SGCZ: variants seen among roughly 807,000 people sequenced by gnomAD.
SGCZ encodes sarcoglycan zeta, also known as zeta-sarcoglycan.
SGCZ carries 40 observed loss-of-function variants against 41.3 expected under a neutral mutation model. The observed-to-expected ratio is 0.97, with a 90% CI of 0.75 to 1.26. SGCZ has a LOEUF of 1.26. SGCZ is among the 50% of genes most tolerant of loss of function. The pLI is 0.00. For missense variants in SGCZ, 552 were observed against 369.8 expected, an observed-to-expected ratio of 1.49 and a Z score of -4.04; for synonymous variants, 206 against 137.5, an observed-to-expected ratio of 1.50 and a Z score of -3.49.
intron 4 of SGCZ, among the ~76,000 whole-genome samples, chr8:14,191,505 T>A (rs2117047751): frequency 6.6e-6 from 1 of 152,320 alleles, no homozygotes; most frequent in Admixed American, 6.5e-5. Context: ...AGTTGATTTT[T>A]GTGTACGGTG....
intron 1 of SGCZ, among the ~76,000 whole-genome samples, chr8:15,126,610 G>A (rs537062310): frequency 1.3e-5 from 2 of 152,314 alleles, no homozygotes; most frequent in African/African-American, 4.8e-5. Context: ...AGGTTGCAAT[G>A]GTGACAATGG....
intron 1 of SGCZ, among the ~76,000 whole-genome samples, chr8:14,582,495 A>G (rs1804924203): frequency 1.3e-5 from 2 of 151,516 alleles, no homozygotes. Flanking sequence ...AAGTTCCCAC[A>G]CTCTTTTCTT....
intron 5 of SGCZ, among the ~76,000 whole-genome samples, chr8:14,128,434 G>A (rs777941153): frequency 2.0e-5 from 3 of 152,132 alleles, no homozygotes; most frequent in Admixed American, 6.5e-5. Context: ...AAAAGGGAAC[G>A]CTTATACACT....
At chr8:14,679,874 A>G (rs1453515834) in intron 1 of SGCZ, among the ~76,000 whole-genome samples, 1 of 151,580 alleles carries the variant, frequency 6.6e-6, no homozygotes, top group Non-Finnish European at 1.5e-5. Context: ...TCTCTTTGAT[A>G]CTATATATTT....
At chr8:14,816,689 G>A (rs974211360) in intron 1 of SGCZ, among the ~76,000 whole-genome samples, 3 of 152,082 alleles carry the variant, frequency 2.0e-5, no homozygotes, top group Admixed American at 2.0e-4. Flanking sequence ...GAATAATTTG[G>A]TAATACCGAA....
At chr8:14,189,564 G>A (rs1173879930) in intron 4 of SGCZ, among the ~76,000 whole-genome samples, 3 of 152,146 alleles carry the variant, frequency 2.0e-5, no homozygotes, top group Non-Finnish European at 2.9e-5. Flanking sequence ...ATCTTCGTGT[G>A]CTTTGCTCAT....
chr8:14,339,677 G>A (rs1802634343), intron 2 of SGCZ, among the ~76,000 whole-genome samples: 1 of 152,136 alleles, frequency 6.6e-6, no homozygotes, highest in African/African-American at 2.4e-5. Flanking sequence ...GTAAAGTATA[G>A]TGCATGAACA....
At chr8:14,760,508 C>G (rs1471233426) in intron 1 of SGCZ, among the ~76,000 whole-genome samples, 3 of 152,106 alleles carry the variant, frequency 2.0e-5, no homozygotes, top group East Asian at 3.8e-4. Context: ...TTAAATATTA[C>G]TTAACAAAAA....
chr8:14,578,946 T>C (rs962420826), intron 1 of SGCZ, among the ~76,000 whole-genome samples: 1 of 152,202 alleles, frequency 6.6e-6, no homozygotes, highest in Non-Finnish European at 1.5e-5. Context: ...TGTCGTTTAC[T>C]TTAGGATCTA....
At chr8:14,173,765 C>T (rs958470915) in intron 4 of SGCZ, among the ~76,000 whole-genome samples, 5 of 149,466 alleles carry the variant, frequency 3.3e-5, no homozygotes, top group Non-Finnish European at 6.0e-5. Flanking sequence ...GGAAACAGAG[C>T]GAGATGATAG....
At chr8:14,517,695 G>A (rs547919630) in intron 2 of SGCZ, among the ~76,000 whole-genome samples, 42 of 151,850 alleles carry the variant, frequency 2.8e-4, no homozygotes, top group Non-Finnish European at 5.2e-4. Context: ...TTTGGCATAC[G>A]CATTTTTAGG....
intron 1 of SGCZ, among the ~76,000 whole-genome samples, chr8:14,957,465 C>CA (rs929787562): frequency 5.9e-5 from 9 of 151,980 alleles, no homozygotes; most frequent in Admixed American, 2.0e-4. Context: ...TACCGATTCT[C>CA]AAAAAATAGA....
intron 1 of SGCZ, among the ~76,000 whole-genome samples, chr8:14,775,202 A>C (rs966387432): frequency 9.2e-5 from 14 of 152,166 alleles, no homozygotes; most frequent in Non-Finnish European, 1.5e-4. Context: ...TTTTGTAATA[A>C]TACAAATTCT....
chr8:14,856,553 C>G (rs1803551887), intron 1 of SGCZ, among the ~76,000 whole-genome samples: 2 of 152,102 alleles, frequency 1.3e-5, no homozygotes, highest in Admixed American at 1.3e-4. Flanking sequence ...CTCTCATGTT[C>G]CCTAATGAGA....
At chr8:14,223,545 TA>T (rs1806274569) in intron 4 of SGCZ, among the ~76,000 whole-genome samples, 1 of 82,266 alleles carries the variant, frequency 1.2e-5, no homozygotes, top group Non-Finnish European at 2.4e-5. Context: ...AATATATATA[TA>T]TATTTTAACA....
At chr8:14,901,500 T>C (rs548488606) in intron 1 of SGCZ, among the ~76,000 whole-genome samples, 128 of 152,162 alleles carry the variant, frequency 8.4e-4, no homozygotes, top group Non-Finnish European at 1.6e-3. Context: ...TAAAAATGTA[T>C]CTGATTTGAG....
intron 1 of SGCZ, among the ~76,000 whole-genome samples, chr8:14,921,900 C>T (rs1386356333): frequency 6.6e-6 from 1 of 152,062 alleles, no homozygotes; most frequent in Admixed American, 6.6e-5. Flanking sequence ...TTAAGCAATT[C>T]GTATGATTTT....
intron 2 of SGCZ, among the ~76,000 whole-genome samples, chr8:14,449,688 T>C (rs1257905412): frequency 6.6e-6 from 1 of 152,150 alleles, no homozygotes; most frequent in African/African-American, 2.4e-5. Flanking sequence ...CCCTCAAAGA[T>C]ACTCTTCATG....
chr8:14,386,495 T>C (rs1371113039), intron 2 of SGCZ, among the ~76,000 whole-genome samples: 3 of 152,166 alleles, frequency 2.0e-5, no homozygotes, highest in Non-Finnish European at 4.4e-5. Context: ...AAAAATATAC[T>C]TGCTCCAGCA....
Sources: gnomAD v4.1 joint callset for allele counts (sites outside exome capture counted in the v4.1 genomes callset) on GRCh38, gnomAD v4.1.1 for gene constraint, MANE v1.5 for transcripts, NCBI Gene and HGNC (gene_info 2026-07-23, HGNC 2026-07-21) for gene names.